PTPRK: variants seen among roughly 807,000 people sequenced by gnomAD.
PTPRK encodes the protein protein tyrosine phosphatase receptor type K, also known as receptor-type tyrosine-protein phosphatase kappa.
In PTPRK, 75 loss-of-function variants were observed where a neutral mutation model predicts 178.0. The ratio of observed to expected loss-of-function variants is 0.42; its 90% confidence interval spans 0.35 to 0.51. PTPRK has a LOEUF of 0.51. Among genes scored for constraint, PTPRK ranks in the 20% least tolerant of loss-of-function variants. PTPRK has a pLI of 0.02. For synonymous variants in PTPRK, 637 were observed against 620.6 expected (o/e 1.03, Z -0.39); for missense variants, 1,441 against 1,797.8 (o/e 0.80, Z 3.59).
intron 3 of PTPRK, among the ~76,000 whole-genome samples, chr6:128,260,037 C>T (rs1243788488): frequency 6.6e-6 from 1 of 152,066 alleles, no homozygotes; most frequent in East Asian, 1.9e-4. Flanking sequence ...ATGAGTTTCA[C>T]TTTTCATTTT....
chr6:128,005,449 C>T (rs1041121931), intron 14 of PTPRK, among the ~76,000 whole-genome samples: 3 of 151,504 alleles, frequency 2.0e-5, no homozygotes, highest in Admixed American at 6.6e-5. Flanking sequence ...TTGTCAGATG[C>T]ATATTTCAAT....
chr6:128,190,392 TTAAG>T (rs1355624126), intron 6 of PTPRK, among the ~76,000 whole-genome samples: 3 of 152,026 alleles, frequency 2.0e-5, no homozygotes, highest in Non-Finnish European at 4.4e-5. Flanking sequence ...TAAATTACTA[TTAAG>T]TTTTATTTAC....
chr6:128,258,395 T>C (rs931122960), intron 3 of PTPRK, among the ~76,000 whole-genome samples: 2 of 152,122 alleles, frequency 1.3e-5, no homozygotes, highest in African/African-American at 4.8e-5. Flanking sequence ...TATCTCTCCC[T>C]TACCTCTTCC....
chr6:128,000,114 T>C (rs1369902036), intron 15 of PTPRK: 29 of 973,444 alleles, frequency 3.0e-5, no homozygotes, highest in South Asian at 4.5e-5. Flanking sequence ...GGGTGTTACT[T>C]TGAAAAGCAT....
Position 127,996,917 on chromosome 6 carries a change from A to G in PTPRK, c.2751T>C (p.Tyr917=), listed in dbSNP as rs1777216069. ...KKDQNRAKNR[Y]GNIIAYDHSR... is the part of the protein sequence containing the mutation. Reference sequence around the variant, plus strand: ...GGAACTTACATGCTATAATGTTTCCATATCGGTTTTTTGCTCTATTTTGAT... The same window carrying G: ...GGAACTTACATGCTATAATGTTTCCGTATCGGTTTTTTGCTCTATTTTGAT... The change falls in exon 17 of 30, where the codon TAT becomes TAC. Residue 917 remains tyrosine (Y), a synonymous_variant. Transcript: ENST00000368226. 5.6e-6 allele frequency: 9 copies of G among 1,610,936 alleles called. No homozygotes were observed. Among genetic ancestry groups the G allele is most frequent in the East Asian group, 2.2e-5 (1 of 44,732 alleles).
At chr6:128,183,890 A>C (rs930958373) in intron 7 of PTPRK, among the ~76,000 whole-genome samples, 8 of 152,202 alleles carry the variant, frequency 5.3e-5, no homozygotes, top group Non-Finnish European at 1.0e-4. Flanking sequence ...AAGTGTAAGG[A>C]AAATCTCTCT....
chr6:128,472,636 T>G (rs1227528138), intron 1 of PTPRK: 9 of 294,640 alleles, frequency 3.1e-5, no homozygotes, highest in African/African-American at 1.8e-4. Context: ...ATTAATATTT[T>G]TAAAACAACT....
At chr6:128,379,325 G>C (rs541787132) in intron 2 of PTPRK, among the ~76,000 whole-genome samples, 2 of 152,156 alleles carry the variant, frequency 1.3e-5, no homozygotes, top group South Asian at 2.1e-4. Context: ...CTCATTCTTT[G>C]AGATATTGAC....
At chr6:128,508,459 A>T (rs1452746755) in intron 1 of PTPRK, among the ~76,000 whole-genome samples, 3 of 152,222 alleles carry the variant, frequency 2.0e-5, no homozygotes, top group African/African-American at 7.2e-5. Context: ...AAAAGTATAC[A>T]CACAACTTTC....
intron 7 of PTPRK, among the ~76,000 whole-genome samples, chr6:128,112,705 G>A (rs550572531): frequency 2.0e-5 from 3 of 152,192 alleles, no homozygotes; most frequent in African/African-American, 7.2e-5. Context: ...AATATCTCTA[G>A]GGGAAGAGGA....
chr6:128,367,559 C>T (rs540973370), intron 2 of PTPRK, among the ~76,000 whole-genome samples: 19 of 152,214 alleles, frequency 1.2e-4, no homozygotes, highest in African/African-American at 2.9e-4. Context: ...GGTCTCAGGG[C>T]GGGCCTGGCA....
chr6:128,111,815 T>C (rs544642120), intron 7 of PTPRK, among the ~76,000 whole-genome samples: 1 of 152,064 alleles, frequency 6.6e-6, no homozygotes, highest in East Asian at 1.9e-4. Context: ...GGATCTCGCA[T>C]TTTTAGATGA....
intron 2 of PTPRK, among the ~76,000 whole-genome samples, chr6:128,363,391 A>G (rs925482616): frequency 1.3e-5 from 2 of 152,142 alleles, no homozygotes; most frequent in East Asian, 1.9e-4. Flanking sequence ...AATCCCCCCA[A>G]TGACTTGCTA....
At chr6:128,034,292 TA>T (rs1315354952) in intron 13 of PTPRK, among the ~76,000 whole-genome samples, 1 of 152,192 alleles carries the variant, frequency 6.6e-6, no homozygotes, top group African/African-American at 2.4e-5. Context: ...TTTTCAGAAA[TA>T]AACCAACAAC....
At chr6:128,268,279 G>C in intron 3 of PTPRK, among the ~76,000 whole-genome samples, 1 of 151,912 alleles carries the variant, frequency 6.6e-6, no homozygotes, top group East Asian at 1.9e-4. Flanking sequence ...TTTTAAAAGT[G>C]AAAAACGTAT....
intron 7 of PTPRK, among the ~76,000 whole-genome samples, chr6:128,159,503 C>CT (rs1311825900): frequency 1.3e-5 from 2 of 151,754 alleles, no homozygotes; most frequent in Admixed American, 1.3e-4. Flanking sequence ...CCACAGTTTC[C>CT]TACTCACGGG....
intron 1 of PTPRK, among the ~76,000 whole-genome samples, chr6:128,423,376 T>G (rs1181018921): frequency 6.6e-6 from 1 of 152,134 alleles, no homozygotes; most frequent in Non-Finnish European, 1.5e-5. Flanking sequence ...TTTTGTTGAA[T>G]CTATATTTGT....
intron 6 of PTPRK, among the ~76,000 whole-genome samples, chr6:128,200,848 G>T (rs190858357): frequency 0.023 from 3,060 of 134,582 alleles, 72 homozygotes; most frequent in African/African-American, 0.061. Context: ...TGAGGAGGAG[G>T]GGGGGAGGAG....
At chr6:128,407,654 AAG>A (rs1554255907) in intron 1 of PTPRK, among the ~76,000 whole-genome samples, 98 of 122,686 alleles carry the variant, frequency 8.0e-4, no homozygotes, top group East Asian at 2.0e-3. Context: ...AAAAAAAAAA[AAG>A]AAGAAGAAGA....
Sources: allele counts gnomAD v4.1 joint callset (sites outside exome capture counted in the v4.1 genomes callset), GRCh38; gene constraint gnomAD v4.1.1; transcripts MANE v1.5; gene names NCBI Gene and HGNC (gene_info 2026-07-23, HGNC 2026-07-21).